CSMD1: variants seen among roughly 807,000 people sequenced by gnomAD.
The protein encoded by CSMD1 is CUB and sushi domain-containing protein 1.
Under a neutral mutation model 417.5 loss-of-function variants are expected in CSMD1, and 213 were observed. That is an observed-to-expected ratio of 0.51 (90% CI 0.46 to 0.57). CSMD1 has a LOEUF of 0.57. CSMD1 is among the 20% of genes least tolerant of loss of function. The pLI, the probability that CSMD1 is intolerant of heterozygous loss-of-function variation, is 0.00. For missense variants in CSMD1, 6,923 were observed against 4,529.7 expected (o/e 1.53, Z -15.17); for synonymous variants, 2,862 against 1,736.8 (o/e 1.65, Z -16.11).
intron 2 of CSMD1, among the ~76,000 whole-genome samples, chr8:4,567,894 T>G (rs368914257): frequency 6.6e-6 from 1 of 152,236 alleles, no homozygotes; most frequent in South Asian, 2.1e-4. Context: ...TTTTCATTTT[T>G]TAATGAGTTC....
At position 3,803,571 on chromosome 8, in the gene CSMD1, C is replaced by G. The variant is rs930094388; in HGVS notation, c.819-49529G>C. Among the ~76,000 whole-genome samples the G allele has an allele frequency of 2.6e-5, 4 of 152,240 alleles. No homozygotes were observed. In the East Asian group the frequency reaches 5.8e-4, roughly 22 times the overall value. On this transcript the variant is annotated intron_variant, in intron 5 of 69. Coordinates refer to ENST00000635120, the MANE Select transcript of CSMD1 (RefSeq NM_033225.6). ...CAGGAGCCCACAGGTGGGAAAGGCT[C>G]AGATGGTTCATGAAGGAGAACAAAG...
Position 4,444,346 on chromosome 8 carries a change from C to CAAAAAAAAAAAAAAAAAAA in CSMD1, c.303-24300_303-24282dup, listed in dbSNP as rs112028005. On this transcript the variant is annotated intron_variant, in intron 2 of 69. Transcript: ENST00000635120. ...TGGGCTACAGAGTGAGACTCCATCT[C>CAAAAAAAAAAAAAAAAAAA]AAAAAAAAAAAAAAAAAAAAAAAAA... is the stretch of plus-strand genomic sequence containing the variant. Among the ~76,000 whole-genome samples the CAAAAAAAAAAAAAAAAAAA allele has an allele frequency of 3.7e-4, 17 of 46,274 alleles. 2 individuals are homozygous for CAAAAAAAAAAAAAAAAAAA. Among genetic ancestry groups the CAAAAAAAAAAAAAAAAAAA allele is most frequent in the African/African-American group, 9.9e-4 (14 of 14,100 alleles). The allele number at this position is 46,274 out of a possible 152,430, so 30.4% of individuals were successfully genotyped here. A position where few individuals can be genotyped will look rare whatever the true frequency, so the allele number is the denominator to read the frequency against.
At chr8:4,648,402 T>G (rs1001249623) in intron 1 of CSMD1, among the ~76,000 whole-genome samples, 3 of 152,124 alleles carry the variant, frequency 2.0e-5, no homozygotes, top group Non-Finnish European at 1.5e-5. Context: ...CCCCTAATGG[T>G]GCCTCAGCCA....
rs113819997 is a variant in CSMD1, at chr8:3,951,256, C to G, written c.818+46647G>C. On this transcript the variant is annotated intron_variant, in intron 5 of 69. Coordinates refer to ENST00000635120, the MANE Select transcript of CSMD1 (RefSeq NM_033225.6). ...GCACGGGTCTGACGGTGACTGAGGC[C>G]AGAGTGGATTTCCTCCTCAGCCCTG... 7.1e-3 allele frequency among the ~76,000 whole-genome samples: 1,079 copies of G among 152,258 alleles called. 14 individuals carry two copies. Among genetic ancestry groups the G allele is most frequent in the African/African-American group, 0.022 (894 of 41,532 alleles).
intron 5 of CSMD1, among the ~76,000 whole-genome samples, chr8:3,997,567 C>A (rs966378661): frequency 1.3e-5 from 2 of 152,178 alleles, no homozygotes; most frequent in Admixed American, 6.5e-5. Flanking sequence ...AATACACAAT[C>A]TAAAAATCTC....
At chr8:4,344,139 C>A (rs936907951) in intron 3 of CSMD1, among the ~76,000 whole-genome samples, 10 of 152,092 alleles carry the variant, frequency 6.6e-5, no homozygotes, top group African/African-American at 2.2e-4. Context: ...TGATCATTAG[C>A]AACTGAGAAA....
chr8:3,811,016 T>A (rs536313474), intron 5 of CSMD1, among the ~76,000 whole-genome samples: 97 of 152,340 alleles, frequency 6.4e-4, no homozygotes, highest in Non-Finnish European at 7.9e-4. Flanking sequence ...TTCCATCCGT[T>A]TGATCACTCC....
In CSMD1 at chr8:4,160,781, A is replaced by C. The variant is rs560531656; in HGVS notation, c.416-128682T>G. Among the ~76,000 whole-genome samples, 11 of 152,354 alleles carry C rather than the reference A, an allele frequency of 7.2e-5. No individual in the cohort carries two copies. The South Asian group carries it at 1.9e-3, about 26-fold the overall frequency. On this transcript the variant is annotated intron_variant, in intron 3 of 69. Coordinates refer to ENST00000635120, the MANE Select transcript of CSMD1 (RefSeq NM_033225.6). ...TCAGTCACACTTGGATGAAAGCATC[A>C]TTTTACCCGTGAAGGTGGTGTACTG...
intron 5 of CSMD1, among the ~76,000 whole-genome samples, chr8:3,970,457 G>C (rs1488643133): frequency 6.6e-6 from 1 of 152,112 alleles, no homozygotes; most frequent in Non-Finnish European, 1.5e-5. Context: ...AGAAACTCTT[G>C]TCTCTTCTGT....
intron 1 of CSMD1, among the ~76,000 whole-genome samples, chr8:4,799,375 A>G (rs552061016): frequency 1.2e-4 from 18 of 152,120 alleles, no homozygotes; most frequent in South Asian, 8.3e-4. Flanking sequence ...CCTAGATCAT[A>G]TAAGTGTTTT....
rs200426911 is a variant in CSMD1 at position 3,920,746 on chromosome 8, C to A, written c.818+77157G>T. ...TCTATTGAGATGATCCTATAAATAT[C>A]ATATTTTGTTAGTGGGGTATATCCA... On this transcript the variant is annotated intron_variant, in intron 5 of 69. Coordinates refer to ENST00000635120, the MANE Select transcript of CSMD1 (RefSeq NM_033225.6). Among the ~76,000 whole-genome samples the A allele has an allele frequency of 9.9e-5, 2 of 20,228 alleles. 1 individual carries two copies. Among genetic ancestry groups the A allele is most frequent in the Admixed American group, 1.7e-3 (2 of 1,166 alleles). 13.3% of individuals were successfully genotyped at this position (20,228 alleles called of 152,430 possible). A position where few individuals can be genotyped will look rare whatever the true frequency, so the allele number is the denominator to read the frequency against.
chr8:4,033,837 G>A (rs1343357919), intron 3 of CSMD1, among the ~76,000 whole-genome samples: 2 of 152,096 alleles, frequency 1.3e-5, no homozygotes, highest in Admixed American at 6.5e-5. Flanking sequence ...CACACTTATA[G>A]AACATGATTT....
rs193228767 is a variant in CSMD1 at position 4,373,839 on chromosome 8, C to A, written c.415+46114G>T. 7.9e-5 allele frequency among the ~76,000 whole-genome samples: 12 copies of A among 152,260 alleles called. No individual in the cohort carries two copies. The East Asian group carries it at 2.3e-3, about 29-fold the overall frequency. On this transcript the variant is annotated intron_variant, in intron 3 of 69. Transcript: ENST00000635120. ...TGGAAGACAGTACTAGCCAAAGGAG[C>A]TTTTCTATGTATATGTATAATTCTT...
intron 50 of CSMD1, among the ~76,000 whole-genome samples, chr8:3,044,273 A>C (rs75589264): frequency 6.6e-6 from 1 of 152,174 alleles, no homozygotes; most frequent in Non-Finnish European, 1.5e-5. Context: ...TAAAGCATTT[A>C]ATTTTTATTT....
intron 7 of CSMD1, among the ~76,000 whole-genome samples, chr8:3,697,763 A>T (rs1052747580): frequency 6.6e-6 from 1 of 152,196 alleles, no homozygotes; most frequent in African/African-American, 2.4e-5. Context: ...TTCATGTGTT[A>T]CAATGCACTT....
At chr8:4,119,678 G>T (rs926899096) in intron 3 of CSMD1, among the ~76,000 whole-genome samples, 1 of 152,220 alleles carries the variant, frequency 6.6e-6, no homozygotes, top group Non-Finnish European at 1.5e-5. Context: ...AAGCCAGGAA[G>T]AGAGTCCTCC....
At chr8:3,081,911 C>A (rs1374733224) in intron 49 of CSMD1, among the ~76,000 whole-genome samples, 1 of 152,136 alleles carries the variant, frequency 6.6e-6, no homozygotes, top group Non-Finnish European at 1.5e-5. Flanking sequence ...ACAGCTTGCC[C>A]CGTGGACCTG....
chr8:3,877,216 C>G (rs2975351), intron 5 of CSMD1, among the ~76,000 whole-genome samples: 13,356 of 152,098 alleles, frequency 0.088, 1,975 homozygotes, highest in African/African-American at 0.3. Context: ...GGCTCAGCAC[C>G]CCACACTGCT....
At chr8:3,331,237 C>CAAAAAAAAAAAAAAAAAAAA (rs112278319) in intron 23 of CSMD1, among the ~76,000 whole-genome samples, 35 of 128,492 alleles carry the variant, frequency 2.7e-4, no homozygotes, top group African/African-American at 9.3e-4. Flanking sequence ...GACTCCGTCT[C>CAAAAAAAAAAAAAAAAAAAA]AAAAAAAAAA....
Sources: allele counts gnomAD v4.1 joint callset (sites outside exome capture counted in the v4.1 genomes callset), GRCh38; gene constraint gnomAD v4.1.1; transcripts MANE v1.5; gene names NCBI Gene and HGNC (gene_info 2026-07-23, HGNC 2026-07-21).